The following DTD1 variants were observed in gnomAD, a reference collection of about 807,000 sequenced individuals.
DTD1 encodes D-aminoacyl-tRNA deacylase 1.
Under a neutral mutation model 25.6 loss-of-function variants are expected in DTD1, and 13 were observed. That is an observed-to-expected ratio of 0.51 (90% confidence interval 0.33 to 0.81). The LOEUF is 0.81. DTD1 is among the 30% of genes least tolerant of loss of function. The probability of loss-of-function intolerance (pLI) is 0.02; values close to 1 mark genes in which losing one functional copy is unlikely to be tolerated. For synonymous variants in DTD1, 110 were observed against 103.6 expected, an observed-to-expected ratio of 1.06 and a Z score of -0.37; for missense variants, 193 against 266.4, an observed-to-expected ratio of 0.72 and a Z score of 1.92.
In DTD1 at chr20:18,619,432, A is replaced by AT. The variant is rs564886001; in HGVS notation, c.371-8686dup. 4.0e-5 allele frequency among the ~76,000 whole-genome samples: 6 copies of AT among 151,068 alleles called. No homozygotes were observed. The East Asian group carries it at 7.8e-4, about 20-fold the overall frequency. ...GCCTCTCCTCCTTTTTTTGTTTTTA[A>AT]TTTTTTTTTGGAGACGGAGTGTCAC... On this transcript the variant is annotated intron_variant, in intron 3 of 5. Coordinates refer to ENST00000377452, the MANE Select transcript of DTD1 (RefSeq NM_080820.6).
chr20:18,663,435 C>A lies in DTD1; in HGVS notation c.477+35202C>A, dbSNP rs547631080. ...TATGTTCTTACCAAAATGTATGGCT[C>A]ATTTAATTTAATAGATCAAATTACA... On this transcript the variant is annotated intron_variant, in intron 4 of 5. Coordinates refer to ENST00000377452, the MANE Select transcript of DTD1 (RefSeq NM_080820.6). 1.1e-4 allele frequency among the ~76,000 whole-genome samples: 16 copies of A among 152,170 alleles called. No individual in the cohort carries two copies. In the South Asian group the frequency reaches 3.3e-3, roughly 32 times the overall value.
chr20:18,759,553 A>C (rs2061352936), intron 5 of DTD1, among the ~76,000 whole-genome samples: 1 of 152,198 alleles, frequency 6.6e-6, no homozygotes. Context: ...AAGAATGTTG[A>C]ATATTGGCCC....
chr20:18,750,380 A>G (rs2061317545), intron 5 of DTD1, among the ~76,000 whole-genome samples: 2 of 152,314 alleles, frequency 1.3e-5, no homozygotes, highest in Middle Eastern at 3.4e-3. Context: ...CCCCCTCACT[A>G]TGAAGGGAGT....
intron 4 of DTD1, among the ~76,000 whole-genome samples, chr20:18,659,808 G>A (rs982247791): frequency 6.6e-6 from 1 of 151,694 alleles, no homozygotes; most frequent in African/African-American, 2.4e-5. Flanking sequence ...ATGCATACGG[G>A]GCTTAAAACC....
At chr20:18,760,639 G>A (rs1179321579) in intron 5 of DTD1, among the ~76,000 whole-genome samples, 1 of 152,180 alleles carries the variant, frequency 6.6e-6, no homozygotes, top group African/African-American at 2.4e-5. Context: ...GTGTTAGTCT[G>A]CCCCTACAGT....
chr20:18,728,400 C>T (rs1271690331), intron 4 of DTD1, among the ~76,000 whole-genome samples: 1 of 152,214 alleles, frequency 6.6e-6, no homozygotes, highest in African/African-American at 2.4e-5. Flanking sequence ...AAGATAAGCC[C>T]TCTAGCCCAG....
chr20:18,609,367 G>T (rs1025207195), intron 3 of DTD1, among the ~76,000 whole-genome samples: 1 of 151,594 alleles, frequency 6.6e-6, no homozygotes, highest in Non-Finnish European at 1.5e-5. Flanking sequence ...GCCAAGTCTG[G>T]TCTTGAACTC....
At chr20:18,679,062 G>A (rs1261549095) in intron 4 of DTD1, 1 of 152,218 alleles carries the variant, frequency 6.6e-6, no homozygotes, top group Non-Finnish European at 1.5e-5. Context: ...AGTATTCAGA[G>A]TTAAACCCGG....
rs186111336 is a variant in DTD1, at chr20:18,603,641, C to A, written c.370+7400C>A. On this transcript the variant is annotated intron_variant, in intron 3 of 5. Coordinates refer to ENST00000377452, the MANE Select transcript of DTD1 (RefSeq NM_080820.6). ...AATCTCACTCAAAGCCGCTCAACTA[C>A]ATGGAAACTGAACAACCTGCTCCTG... 3.4e-3 allele frequency among the ~76,000 whole-genome samples: 378 copies of A among 111,738 alleles called. 33 individuals carry two copies. Among genetic ancestry groups the A allele is most frequent in the African/African-American group, 0.012 (356 of 30,320 alleles). The allele number at this position is 111,738 out of a possible 152,430, so 73.3% of individuals were successfully genotyped here.
At chr20:18,627,904 C>T (rs928529737) in intron 3 of DTD1, among the ~76,000 whole-genome samples, 4 of 152,160 alleles carry the variant, frequency 2.6e-5, no homozygotes, top group Non-Finnish European at 5.9e-5. Flanking sequence ...TTGCCTACTG[C>T]CATCCATGTA....
chr20:18,636,066 T>G (rs1438817346), intron 4 of DTD1, among the ~76,000 whole-genome samples: 1 of 152,186 alleles, frequency 6.6e-6, no homozygotes, highest in Non-Finnish European at 1.5e-5. Context: ...CATTTAAGGT[T>G]TAAGGGCTTT....
Position 18,725,373 on chromosome 20 carries a change from T to G in DTD1, c.478-18727T>G, listed in dbSNP as rs536825647. On this transcript the variant is annotated intron_variant, in intron 4 of 5. Transcript: ENST00000377452. ...CTAGTCCTCAGTTTGGTCCAGTGTC[T>G]GAGCCCCAAGTCTTGAGTCGAGTCC... Among the ~76,000 whole-genome samples, 4 of 152,350 alleles carry G rather than the reference T, an allele frequency of 2.6e-5. No individual in the cohort carries two copies. In the South Asian group the frequency reaches 8.3e-4, roughly 32 times the overall value.
intron 5 of DTD1, among the ~76,000 whole-genome samples, chr20:18,747,713 C>CAGGTTCAAA (rs1312997696): frequency 6.6e-6 from 1 of 152,066 alleles, no homozygotes; most frequent in African/African-American, 2.4e-5. Context: ...ACCTTAACAA[C>CAGGTTCAAA]AGGTTCAAAA....
At chr20:18,607,421 A>T (rs900126561) in intron 3 of DTD1, among the ~76,000 whole-genome samples, 6 of 152,088 alleles carry the variant, frequency 3.9e-5, no homozygotes, top group African/African-American at 1.2e-4. Flanking sequence ...TAGGCCCCAA[A>T]GTGCTGGGAT....
In DTD1 at chr20:18,606,492, G is replaced by A. The variant is rs1343974733; in HGVS notation, c.370+10251G>A. 6.3e-5 allele frequency among the ~76,000 whole-genome samples: 7 copies of A among 111,744 alleles called. No individual in the cohort carries two copies. In the South Asian group the frequency reaches 8.9e-4, roughly 14 times the overall value. 73.3% of individuals were successfully genotyped at this position (111,744 alleles called of 152,430 possible). Reference sequence around the variant, plus strand: ...ACACATGCACACGTATGTTTATTGCGGCATTATTCACAATAGCAAAGACTT... The same window carrying A: ...ACACATGCACACGTATGTTTATTGCAGCATTATTCACAATAGCAAAGACTT... On this transcript the variant is annotated intron_variant, in intron 3 of 5. Transcript: ENST00000377452.
intron 3 of DTD1, among the ~76,000 whole-genome samples, chr20:18,621,037 A>G (rs758102800): frequency 5.9e-5 from 9 of 152,312 alleles, no homozygotes; most frequent in Middle Eastern, 3.4e-3. Context: ...TATTGACTAA[A>G]CTACAGACCT....
At chr20:18,719,063 A>C (rs1342749500) in intron 4 of DTD1, among the ~76,000 whole-genome samples, 1 of 152,178 alleles carries the variant, frequency 6.6e-6, no homozygotes, top group Non-Finnish European at 1.5e-5. Context: ...TGGAAGTTGA[A>C]AGTGCATTTT....
chr20:18,661,598 C>A (rs1055986835), intron 4 of DTD1, among the ~76,000 whole-genome samples: 2 of 152,124 alleles, frequency 1.3e-5, no homozygotes, highest in Non-Finnish European at 2.9e-5. Context: ...GTTTTGATCT[C>A]CTGACCTCGT....
At chr20:18,693,589 G>A (rs909659072) in intron 4 of DTD1, among the ~76,000 whole-genome samples, 24 of 151,848 alleles carry the variant, frequency 1.6e-4, no homozygotes, top group African/African-American at 5.1e-4. Flanking sequence ...CCCAGGAGGC[G>A]GAGGTTGCAG....
Sources: allele counts gnomAD v4.1 joint callset (sites outside exome capture counted in the v4.1 genomes callset), GRCh38; gene constraint gnomAD v4.1.1; transcripts MANE v1.5; gene names NCBI Gene and HGNC (gene_info 2026-07-23, HGNC 2026-07-21).